BTBD2: variants seen among roughly 807,000 people sequenced by gnomAD.
BTBD2 encodes the protein BTB/POZ domain-containing protein 2.
BTBD2 carries 15 observed loss-of-function variants against 44.0 expected under a neutral mutation model. The observed-to-expected ratio is 0.34, with a 90% CI of 0.23 to 0.53. The LOEUF (loss-of-function observed/expected upper bound fraction) is 0.53. BTBD2 is among the 20% of genes least tolerant of loss of function. BTBD2 has a pLI of 0.95. For missense variants in BTBD2, 657 were observed against 746.4 expected (o/e 0.88, Z 1.39); for synonymous variants, 443 against 335.9 (o/e 1.32, Z -3.49).
At chr19:1,993,869 C>T (rs907867623) in intron 2 of BTBD2, among the ~76,000 whole-genome samples, 4 of 151,418 alleles carry the variant, frequency 2.6e-5, no homozygotes, top group Non-Finnish European at 5.9e-5. Context: ...TGGTGGTGGG[C>T]GCCTGTAGTC....
chr19:2,000,760 C>A (rs996023802), intron 1 of BTBD2, among the ~76,000 whole-genome samples: 1 of 152,218 alleles, frequency 6.6e-6, no homozygotes, highest in Non-Finnish European at 1.5e-5. Flanking sequence ...CACAGCAGCA[C>A]GATTCCCAAC....
At chr19:1,986,790 A>G (rs756509599) in intron 8 of BTBD2, 40 bp downstream of exon 8, 13 of 1,577,214 alleles carry the variant, frequency 8.2e-6, no homozygotes, top group Non-Finnish European at 1.1e-5. Flanking sequence ...AGGATGGGCC[A>G]GAGACTCCCA....
intron 2 of BTBD2, among the ~76,000 whole-genome samples, chr19:1,993,766 C>T (rs766058563): frequency 5.3e-5 from 8 of 151,888 alleles, no homozygotes; most frequent in African/African-American, 1.4e-4. Flanking sequence ...GAGGCTGAGG[C>T]GGGCAGATCG....
At chr19:1,991,055 G>A in intron 3 of BTBD2, 1 of 476,282 alleles carries the variant, frequency 2.1e-6, no homozygotes, top group South Asian at 2.4e-5. Flanking sequence ...GGACCTCAGA[G>A]GCCAAGGAAG....
At chr19:2,007,393 A>G (rs2016408138) in intron 1 of BTBD2, among the ~76,000 whole-genome samples, 1 of 152,252 alleles carries the variant, frequency 6.6e-6, no homozygotes, top group Admixed American at 6.5e-5. Flanking sequence ...CAACTGAGAC[A>G]GTATGGCCTG....
chr19:2,014,932 G>GGGGACAGAGAGGTGCAGAGGCA (rs1053771643), intron 1 of BTBD2, among the ~76,000 whole-genome samples: 1 of 151,384 alleles, frequency 6.6e-6, no homozygotes, highest in South Asian at 2.1e-4. Flanking sequence ...GGTGGGGTCT[G>GGGGACAGAGAGGTGCAGAGGCA]GGGACAGAGA....
At chr19:2,006,665 G>A (rs1414354138) in intron 1 of BTBD2, among the ~76,000 whole-genome samples, 3 of 151,764 alleles carry the variant, frequency 2.0e-5, no homozygotes, top group Non-Finnish European at 2.9e-5. Flanking sequence ...AGTGAATCTG[G>A]CCCACCACTT....
At chr19:2,010,514 C>T (rs181658562) in intron 1 of BTBD2, among the ~76,000 whole-genome samples, 208 of 152,298 alleles carry the variant, frequency 1.4e-3, no homozygotes, top group African/African-American at 4.2e-3. Flanking sequence ...CCTGCACCCC[C>T]GCCAGGGACC....
intron 4 of BTBD2, 193 bp from the exon 5 acceptor site, chr19:1,990,394 G>A (rs189937420): frequency 1.7e-5 from 11 of 662,914 alleles, no homozygotes; most frequent in South Asian, 5.8e-5. Flanking sequence ...CATTTTCCTC[G>A]GCTGTGGTTG....
chr19:2,013,405 G>A, intron 1 of BTBD2: 3 of 631,750 alleles, frequency 4.7e-6, no homozygotes, highest in Non-Finnish European at 5.9e-6. Flanking sequence ...TGGGGGCTGG[G>A]GAGGGAGGGA....
Position 1,990,837 on chromosome 19 carries a change from C to A in BTBD2, c.685-15G>T. The A allele has an allele frequency of 6.5e-7, 1 of 1,544,426 alleles. No homozygotes were observed. The highest frequency in any genetic ancestry group is 1.2e-5 in the South Asian group (1 of 84,192). On this transcript the variant is annotated splice_polypyrimidine_tract_variant and intron_variant, in intron 3 of 8. Transcript: ENST00000255608. ...AAGAGTCGCGCCTGGCAAGAGACAT[C>A]GACGGGGGGCGCGGTGGGGACATCA...
chr19:1,992,931 G>A (rs1221532284), intron 3 of BTBD2, 89 bp downstream of exon 3: 3 of 166,538 alleles, frequency 1.8e-5, no homozygotes, highest in Non-Finnish European at 2.0e-5. Context: ...CCCCGGCCCC[G>A]CCTCCGCCTC....
At chr19:2,005,188 G>A (rs2016380239) in intron 1 of BTBD2, among the ~76,000 whole-genome samples, 1 of 152,168 alleles carries the variant, frequency 6.6e-6, no homozygotes, top group African/African-American at 2.4e-5. Context: ...CTCACTGGCT[G>A]GTCTGCGGGT....
chr19:2,008,296 G>A (rs1284204505), intron 1 of BTBD2, among the ~76,000 whole-genome samples: 6 of 129,786 alleles, frequency 4.6e-5, no homozygotes, highest in Admixed American at 8.0e-5. Context: ...GAGCCACTGC[G>A]CCCACTCTTT....
intron 2 of BTBD2, 29 bp from the exon 3 acceptor site, chr19:1,993,205 G>A: frequency 1.9e-6 from 3 of 1,579,408 alleles, no homozygotes; most frequent in African/African-American, 2.7e-5. Flanking sequence ...TGGCCGTGAG[G>A]TGGGACCGCC....
intron 1 of BTBD2, among the ~76,000 whole-genome samples, chr19:2,011,013 G>A (rs2016457728): frequency 6.6e-6 from 1 of 152,088 alleles, no homozygotes; most frequent in Non-Finnish European, 1.5e-5. Context: ...TGTTCCCACA[G>A]CCCCAGGACA....
chr19:2,014,701 G>A (rs1315972392), intron 1 of BTBD2: 2 of 157,632 alleles, frequency 1.3e-5, no homozygotes, highest in Non-Finnish European at 1.4e-5. Context: ...GGGGTTTGAG[G>A]ATGGAGGGGC....
At chr19:2,008,312 T>A (rs2016420398) in intron 1 of BTBD2, among the ~76,000 whole-genome samples, 1 of 148,986 alleles carries the variant, frequency 6.7e-6, no homozygotes, top group Admixed American at 6.7e-5. Flanking sequence ...TCTTTTTTTT[T>A]TTTTCTAGGT....
intron 1 of BTBD2, among the ~76,000 whole-genome samples, chr19:1,998,632 C>G (rs966024498): frequency 1.3e-5 from 2 of 152,134 alleles, no homozygotes; most frequent in African/African-American, 4.8e-5. Flanking sequence ...TATGAACCCG[C>G]GTTTGGCCAG....
Sources: gnomAD v4.1 joint callset for allele counts (sites outside exome capture counted in the v4.1 genomes callset) on GRCh38, gnomAD v4.1.1 for gene constraint, MANE v1.5 for transcripts, NCBI Gene and HGNC (gene_info 2026-07-23, HGNC 2026-07-21) for gene names.